ST6GALNAC5: variants seen among roughly 807,000 people sequenced by gnomAD.
ST6GALNAC5 encodes ST6 N-acetylgalactosaminide alpha-2,6-sialyltransferase 5, also known as alpha-N-acetylgalactosaminide alpha-2,6-sialyltransferase 5.
Under a neutral mutation model 33.6 loss-of-function variants are expected in ST6GALNAC5, and 27 were observed. The observed-to-expected ratio is 0.80, with a 90% CI of 0.59 to 1.11. The LOEUF (loss-of-function observed/expected upper bound fraction) is 1.11, where lower values mean the gene tolerates loss of function less well. Ranked by LOEUF, ST6GALNAC5 falls within the 50% of genes least tolerant of loss-of-function variation. ST6GALNAC5 has a pLI of 0.00. For missense variants in ST6GALNAC5, 428 were observed against 454.0 expected (o/e 0.94, Z 0.52); for synonymous variants, 194 against 171.2 (o/e 1.13, Z -1.04).
At chr1:76,983,876 T>C (rs1649366441) in intron 2 of ST6GALNAC5, among the ~76,000 whole-genome samples, 1 of 152,152 alleles carries the variant, frequency 6.6e-6, no homozygotes, top group Non-Finnish European at 1.5e-5. Flanking sequence ...ACCACACAAC[T>C]ACATGGAAAC....
At chr1:76,980,346 A>G (rs1304321897) in intron 2 of ST6GALNAC5, among the ~76,000 whole-genome samples, 1 of 152,044 alleles carries the variant, frequency 6.6e-6, no homozygotes, top group Non-Finnish European at 1.5e-5. Context: ...AATTTTGTTA[A>G]TTTCTCATTT....
At chr1:76,896,206 T>C (rs1654129924) in intron 2 of ST6GALNAC5, among the ~76,000 whole-genome samples, 1 of 152,156 alleles carries the variant, frequency 6.6e-6, no homozygotes, top group African/African-American at 2.4e-5. Flanking sequence ...TCTCAGACCC[T>C]GTAGGAAAGG....
At chr1:76,930,800 T>C (rs1307060943) in intron 2 of ST6GALNAC5, among the ~76,000 whole-genome samples, 2 of 152,140 alleles carry the variant, frequency 1.3e-5, no homozygotes, top group African/African-American at 2.4e-5. Context: ...ATTCATTAAC[T>C]AGAGAAGAGA....
In ST6GALNAC5 at chr1:77,006,861, G is replaced by C. The variant is rs1319198329; in HGVS notation, c.262-37343G>C. ...TGTGGTCATTTGGCTGGTCTTTTGGGTGCTGGCTGTTCTCAGATGGCCTCA... is the reference window on the plus strand; with the variant it reads ...TGTGGTCATTTGGCTGGTCTTTTGGCTGCTGGCTGTTCTCAGATGGCCTCA... On this transcript the variant is annotated intron_variant, in intron 2 of 4. Transcript: ENST00000477717. Among the ~76,000 whole-genome samples, 6 of 152,216 alleles carry C rather than the reference G, an allele frequency of 3.9e-5. No individual in the cohort carries two copies. In the East Asian group the frequency reaches 5.8e-4, roughly 15 times the overall value.
intron 2 of ST6GALNAC5, among the ~76,000 whole-genome samples, chr1:77,033,335 G>A (rs1651529270): frequency 6.6e-6 from 1 of 152,172 alleles, no homozygotes; most frequent in African/African-American, 2.4e-5. Context: ...GCTGCCTCAT[G>A]GCACTCCTGT....
intron 2 of ST6GALNAC5, among the ~76,000 whole-genome samples, chr1:76,878,052 T>C (rs1050063186): frequency 5.9e-5 from 9 of 152,156 alleles, no homozygotes; most frequent in African/African-American, 2.2e-4. Flanking sequence ...CCAAGATCCA[T>C]CTGTCTTCTG....
intron 2 of ST6GALNAC5, among the ~76,000 whole-genome samples, chr1:77,043,220 T>TGGCCTC (rs1651891236): frequency 6.6e-6 from 1 of 152,384 alleles, no homozygotes; most frequent in Non-Finnish European, 1.5e-5. Context: ...TTGCTGGCCT[T>TGGCCTC]GGCCTCGGGC....
chr1:76,907,665 G>C (rs558275710), intron 2 of ST6GALNAC5, among the ~76,000 whole-genome samples: 1 of 152,178 alleles, frequency 6.6e-6, no homozygotes, highest in South Asian at 2.1e-4. Context: ...CTCTATCCAA[G>C]GGTCCACGTT....
chr1:76,979,135 T>G (rs890656141), intron 2 of ST6GALNAC5, among the ~76,000 whole-genome samples: 1 of 151,574 alleles, frequency 6.6e-6, no homozygotes, highest in East Asian at 1.9e-4. Flanking sequence ...ACAAAAAAAA[T>G]GGAAAGGTAA....
intron 2 of ST6GALNAC5, among the ~76,000 whole-genome samples, chr1:76,998,195 C>T (rs1471211891): frequency 6.6e-6 from 1 of 151,946 alleles, no homozygotes; most frequent in Non-Finnish European, 1.5e-5. Flanking sequence ...TAAATTGGTA[C>T]CAGGAGTAGT....
chr1:76,992,203 AC>A (rs1373492115), intron 2 of ST6GALNAC5, among the ~76,000 whole-genome samples: 2 of 152,058 alleles, frequency 1.3e-5, no homozygotes, highest in Non-Finnish European at 2.9e-5. Flanking sequence ...TGGCATTAAA[AC>A]AGCTATTTCT....
intron 2 of ST6GALNAC5, among the ~76,000 whole-genome samples, chr1:76,877,504 T>A (rs1407301602): frequency 1.3e-5 from 2 of 152,176 alleles, no homozygotes; most frequent in Non-Finnish European, 2.9e-5. Flanking sequence ...TTCTTCATTG[T>A]AGGAGGGCCC....
At chr1:77,053,870 G>A (rs1429238245) in intron 4 of ST6GALNAC5, among the ~76,000 whole-genome samples, 1 of 131,490 alleles carries the variant, frequency 7.6e-6, no homozygotes, top group Non-Finnish European at 1.8e-5. Context: ...CTCATGGGCT[G>A]CTCAAAGTGT....
rs1400328963 is a variant in ST6GALNAC5, at chr1:77,050,250, C to T, written c.672-8C>T. On this transcript the variant is annotated splice_polypyrimidine_tract_variant and splice_region_variant and intron_variant, in intron 3 of 4. Transcript: ENST00000477717. Reference sequence around the variant, plus strand: ...CCAGCTTGCAGACTTAATTATTGTTCCTTCCAGGAAGATATCCAACACTTG... The same window carrying T: ...CCAGCTTGCAGACTTAATTATTGTTTCTTCCAGGAAGATATCCAACACTTG... The T allele has an allele frequency of 1.2e-6, 2 of 1,612,120 alleles. No homozygotes were observed. Among genetic ancestry groups the T allele is most frequent in the Non-Finnish European group, 1.7e-6 (2 of 1,178,458 alleles).
At chr1:77,003,833 G>C (rs1030840462) in intron 2 of ST6GALNAC5, among the ~76,000 whole-genome samples, 2 of 148,568 alleles carry the variant, frequency 1.3e-5, no homozygotes, top group African/African-American at 2.5e-5. Flanking sequence ...ACTCTCTTCT[G>C]GCTTGTAGGG....
intron 2 of ST6GALNAC5, among the ~76,000 whole-genome samples, chr1:76,986,839 A>G (rs1459860212): frequency 2.0e-5 from 3 of 152,124 alleles, no homozygotes; most frequent in Non-Finnish European, 4.4e-5. Context: ...GCCATAAAAA[A>G]ATAAAGGATG....
At chr1:76,986,694 T>A (rs1165620346) in intron 2 of ST6GALNAC5, among the ~76,000 whole-genome samples, 1 of 152,148 alleles carries the variant, frequency 6.6e-6, no homozygotes, top group Non-Finnish European at 1.5e-5. Flanking sequence ...ATCATGCTAC[T>A]ATAAAGACAC....
chr1:76,981,178 A>T (rs1649234673), intron 2 of ST6GALNAC5, among the ~76,000 whole-genome samples: 1 of 152,220 alleles, frequency 6.6e-6, no homozygotes. Context: ...GAGCTGAAGC[A>T]GAGCGGGCAT....
In ST6GALNAC5 at chr1:77,064,531, A is replaced by T. The variant is rs1184936919; in HGVS notation, c.*1325A>T. ...CTACAAGGACATGCCCTATCATTCAACTCATTTATGCTATGAACTGTTTAG... is the reference window on the plus strand; with the variant it reads ...CTACAAGGACATGCCCTATCATTCATCTCATTTATGCTATGAACTGTTTAG... On this transcript the variant is annotated 3_prime_UTR_variant, in exon 5 of 5. Transcript: ENST00000477717. The T allele has an allele frequency of 6.6e-6, 1 of 152,050 alleles. No homozygotes were observed. Among genetic ancestry groups the T allele is most frequent in the Non-Finnish European group, 1.5e-5 (1 of 68,002 alleles). 9.4% of individuals were successfully genotyped at this position (152,050 alleles called of 1,614,324 possible). A position where few individuals can be genotyped will look rare whatever the true frequency, so the allele number is the denominator to read the frequency against.
Sources: gnomAD v4.1 joint callset for allele counts (sites outside exome capture counted in the v4.1 genomes callset) on GRCh38, gnomAD v4.1.1 for gene constraint, MANE v1.5 for transcripts, NCBI Gene and HGNC (gene_info 2026-07-23, HGNC 2026-07-21) for gene names.